Variants in RAB35 observed in about 807,000 individuals in gnomAD.
The protein encoded by RAB35 is RAB35, member RAS oncogene family, also known as ras-related protein Rab-35.
Under a neutral mutation model 28.9 loss-of-function variants are expected in RAB35, and 4 were observed. The ratio of observed to expected loss-of-function variants is 0.14; its 90% CI spans 0.07 to 0.32. The LOEUF is 0.32. RAB35 is among the 10% of genes least tolerant of loss of function. RAB35 has a pLI of 1.00. For missense variants in RAB35, 128 were observed against 274.0 expected (o/e 0.47, Z 3.76); for synonymous variants, 99 against 105.1 (o/e 0.94, Z 0.35).
rs1875378724 is a variant in RAB35 at position 120,096,147 on chromosome 12, C to T, written c.*1098G>A. ...CCCACCCAGAGGCCCCAGGCATGCA[C>T]TCCCCACAGTGCCCGAGGCTGCAGT... is the stretch of plus-strand genomic sequence containing the variant. On this transcript the variant is annotated 3_prime_UTR_variant, in exon 6 of 6. Transcript: ENST00000229340. 3 of 327,048 alleles carry T rather than the reference C, an allele frequency of 9.2e-6. No homozygotes were observed. Among genetic ancestry groups the T allele is most frequent in the Non-Finnish European group, 5.9e-6 (1 of 169,096 alleles). 20.3% of individuals were successfully genotyped at this position (327,048 alleles called of 1,614,324 possible).
At chr12:120,099,243 CCGGAAA>C (rs1875562101) in intron 3 of RAB35, 89 bp from the exon 4 acceptor site, 1 of 1,545,072 alleles carries the variant, frequency 6.5e-7, no homozygotes, top group Admixed American at 1.7e-5. Context: ...GGACACTGAC[CCGGAAA>C]AGGTGAGGGT....
At chr12:120,112,726 GA>G (rs1203942671) in intron 1 of RAB35, among the ~76,000 whole-genome samples, 4 of 123,658 alleles carry the variant, frequency 3.2e-5, no homozygotes, top group East Asian at 2.4e-4. Context: ...ACCGTGCCTG[GA>G]CCTTTTTTTT....
At chr12:120,107,020 G>A (rs12315041) in intron 2 of RAB35, among the ~76,000 whole-genome samples, 62,323 of 151,428 alleles carry the variant, frequency 0.41, 13,338 homozygotes, top group Non-Finnish European at 0.47. Flanking sequence ...ATGGAGTCTC[G>A]CTCTGTCGTT....
intron 3 of RAB35, among the ~76,000 whole-genome samples, chr12:120,101,539 A>G (rs1875657872): frequency 6.6e-6 from 1 of 152,158 alleles, no homozygotes; most frequent in African/African-American, 2.4e-5. Context: ...GCATCGGAAA[A>G]AAGTCACGCT....
intron 5 of RAB35, among the ~76,000 whole-genome samples, 168 bp downstream of exon 5, chr12:120,098,643 T>C (rs1032593682): frequency 2.0e-5 from 3 of 152,264 alleles, no homozygotes; most frequent in Admixed American, 6.5e-5. Context: ...CAGAGGACTG[T>C]TGAACTATGA....
At chr12:120,101,136 G>A (rs977389969) in intron 3 of RAB35, among the ~76,000 whole-genome samples, 2 of 152,222 alleles carry the variant, frequency 1.3e-5, no homozygotes, top group African/African-American at 2.4e-5. Flanking sequence ...AGGAGGAACC[G>A]GAGCACCGAC....
chr12:120,098,712 G>A (rs1875534954), intron 5 of RAB35, 99 bp downstream of exon 5: 2 of 1,527,702 alleles, frequency 1.3e-6, no homozygotes, highest in African/African-American at 2.8e-5. Flanking sequence ...CAGTTACTAT[G>A]ACATTTTCTG....
intron 3 of RAB35, among the ~76,000 whole-genome samples, chr12:120,101,327 T>C (rs1181712042): frequency 1.3e-5 from 2 of 152,156 alleles, no homozygotes; most frequent in African/African-American, 4.8e-5. Flanking sequence ...CAGCTGGAAG[T>C]CCTGGCGCCC....
chr12:120,096,891 C>A lies in RAB35; in HGVS notation c.*354G>T, dbSNP rs1044449394. 11 of 1,316,050 alleles carry A rather than the reference C, an allele frequency of 8.4e-6. No homozygotes were observed. The highest frequency in any genetic ancestry group is 1.5e-5 in the African/African-American group (1 of 66,916). 81.5% of individuals were successfully genotyped at this position (1,316,050 alleles called of 1,614,324 possible). On this transcript the variant is annotated 3_prime_UTR_variant, in exon 6 of 6. Transcript: ENST00000229340. Reference sequence around the variant, plus strand: ...CGCGGGGAGGGTCTGTTGCAGCAGGCTGGCATCAAGAAGGCAAAAGCCAGA... The same window carrying A: ...CGCGGGGAGGGTCTGTTGCAGCAGGATGGCATCAAGAAGGCAAAAGCCAGA...
At chr12:120,098,676 G>T in intron 5 of RAB35, 135 bp downstream of exon 5, 2 of 1,239,522 alleles carry the variant, frequency 1.6e-6, no homozygotes, top group Non-Finnish European at 2.2e-6. Flanking sequence ...AAAGGGCCTG[G>T]CACATAGTAG....
At chr12:120,108,092 G>A (rs1391625795) in intron 2 of RAB35, among the ~76,000 whole-genome samples, 1 of 152,090 alleles carries the variant, frequency 6.6e-6, no homozygotes, top group Non-Finnish European at 1.5e-5. Flanking sequence ...CAGGCTGCCA[G>A]GGAGGCATAG....
intron 1 of RAB35, among the ~76,000 whole-genome samples, chr12:120,110,043 C>T (rs899760818): frequency 6.6e-6 from 1 of 152,164 alleles, no homozygotes; most frequent in Admixed American, 6.5e-5. Context: ...CTAAGTGCCT[C>T]TGTGAGCAGC....
At chr12:120,115,134 C>T (rs1876278321) in intron 1 of RAB35, among the ~76,000 whole-genome samples, 1 of 152,176 alleles carries the variant, frequency 6.6e-6, no homozygotes, top group African/African-American at 2.4e-5. Flanking sequence ...CTTCCATCTC[C>T]CTGGTTAGCC....
rs745398559 is a variant in RAB35, at chr12:120,097,269, A to G, written c.582T>C (p.Ser194=). ...ATTAGCAGCAGCGTTTCTTTCGTTTACTGTTCTTCGTGAGCTTCACCACAT... is the reference window on the plus strand; with the variant it reads ...ATTAGCAGCAGCGTTTCTTTCGTTTGCTGTTCTTCGTGAGCTTCACCACAT... The part of the protein sequence containing the change: ...QNDVVKLTKN[S]KRKKRCC The change falls in exon 6 of 6, where the codon AGT becomes AGC. Residue 194 remains serine (S), a synonymous_variant. Coordinates refer to ENST00000229340, the MANE Select transcript of RAB35 (RefSeq NM_006861.7). 1 of 1,614,048 alleles carries G rather than the reference A, an allele frequency of 6.2e-7. No homozygotes were observed. The highest frequency in any genetic ancestry group is 8.5e-7 in the Non-Finnish European group (1 of 1,180,036).
intron 1 of RAB35, among the ~76,000 whole-genome samples, chr12:120,109,379 G>A (rs1876020504): frequency 6.6e-6 from 1 of 152,142 alleles, no homozygotes. Context: ...CTTGAACCCG[G>A]GAGGCGGAGG....
intron 2 of RAB35, among the ~76,000 whole-genome samples, chr12:120,107,607 C>T (rs1404410829): frequency 6.6e-6 from 1 of 152,124 alleles, no homozygotes; most frequent in Non-Finnish European, 1.5e-5. Flanking sequence ...TGGCTCACGC[C>T]TGTAATCCCA....
chr12:120,113,796 C>T (rs747151488), intron 1 of RAB35, among the ~76,000 whole-genome samples: 29 of 143,796 alleles, frequency 2.0e-4, no homozygotes, highest in Non-Finnish European at 4.2e-4. Flanking sequence ...CCAGCCTGGG[C>T]GACAGAGCGA....
chr12:120,099,260 G>A, intron 3 of RAB35, 106 bp from the exon 4 acceptor site: 2 of 1,461,296 alleles, frequency 1.4e-6, no homozygotes, highest in Admixed American at 3.8e-5. Flanking sequence ...AGGTGAGGGT[G>A]GCCCTGGAGC....
chr12:120,110,276 G>C (rs553236675), intron 1 of RAB35, among the ~76,000 whole-genome samples: 1 of 94,290 alleles, frequency 1.1e-5, no homozygotes, highest in Non-Finnish European at 1.9e-5. Flanking sequence ...CTGTTCATGG[G>C]AGAAGCCCAC....
Sources: gnomAD v4.1 joint callset for allele counts (sites outside exome capture counted in the v4.1 genomes callset) on GRCh38, gnomAD v4.1.1 for gene constraint, MANE v1.5 for transcripts, NCBI Gene and HGNC (gene_info 2026-07-23, HGNC 2026-07-21) for gene names.